The following EXOSC10 variants were observed in gnomAD, a reference collection of about 807,000 sequenced individuals.
EXOSC10 encodes exosome complex component 10.
In EXOSC10, 94 loss-of-function variants were observed where a neutral mutation model predicts 126.6. The observed-to-expected ratio is 0.74, with a 90% CI of 0.63 to 0.88. EXOSC10 has a LOEUF of 0.88. Among genes scored for constraint, EXOSC10 ranks in the 40% least tolerant of loss-of-function variants. The probability of loss-of-function intolerance (pLI) is 0.00; values close to 1 mark genes in which losing one functional copy is unlikely to be tolerated. For missense variants in EXOSC10, 1,041 were observed against 1,100.5 expected (o/e 0.95, Z 0.77); for synonymous variants, 395 against 400.8 (o/e 0.99, Z 0.17).
chr1:11,091,660 TAACA>T, intron 3 of EXOSC10, 63 bp from the exon 4 acceptor site: 1 of 1,219,636 alleles, frequency 8.2e-7, no homozygotes, highest in Non-Finnish European at 1.2e-6. Flanking sequence ...GTTAACTACC[TAACA>T]TTTTATTTAT....
intron 9 of EXOSC10, among the ~76,000 whole-genome samples, chr1:11,084,320 C>G (rs1640364803): frequency 6.6e-6 from 1 of 152,228 alleles, no homozygotes; most frequent in East Asian, 1.9e-4. Context: ...GATTGCCATT[C>G]TAACTGGTGT....
At chr1:11,068,916 C>T in intron 22 of EXOSC10, 1 of 593,676 alleles carries the variant, frequency 1.7e-6, no homozygotes, top group South Asian at 2.0e-5. Flanking sequence ...AGGCCCATTT[C>T]TCTCAGCTCT....
intron 2 of EXOSC10, 44 bp downstream of exon 2, chr1:11,097,976 T>C: frequency 6.9e-7 from 1 of 1,459,708 alleles, no homozygotes. Flanking sequence ...TTCTTTGTTT[T>C]CATTTCTTTT....
intron 16 of EXOSC10, 155 bp from the exon 17 acceptor site, chr1:11,077,103 TGCC>T (rs1463591131): frequency 1.6e-6 from 1 of 641,350 alleles, no homozygotes; most frequent in African/African-American, 1.8e-5. Context: ...GTGATTCTCC[TGCC>T]TCTGCCTCCT....
chr1:11,069,558 C>T lies in EXOSC10; in HGVS notation c.2488+1G>A. The T allele has an allele frequency of 6.2e-7, 1 of 1,611,960 alleles. No homozygotes were observed. The highest frequency in any genetic ancestry group is 1.3e-5 in the African/African-American group (1 of 74,664). ...TGTATGGGGCCCCATTACTTCCTCA[C>T]CAGCAAAAGCCTTGAAGTCTGACTG... On this transcript the variant is annotated splice_donor_variant, in intron 22 of 24. Transcript: ENST00000376936. LOFTEE classifies it high-confidence loss of function.
At position 11,091,614 on chromosome 1, in the gene EXOSC10, TA is replaced by T; in HGVS notation, c.373-18del. Reference sequence around the variant, plus strand: ...TAAAATACCCTAAGAGTAGAAGAGGTACTGGTTAAGCATTTTTCCTTTTGAG... The same window carrying T: ...TAAAATACCCTAAGAGTAGAAGAGGTCTGGTTAAGCATTTTTCCTTTTGAG... On this transcript the variant is annotated intron_variant, in intron 3 of 24. Coordinates refer to ENST00000376936, the MANE Select transcript of EXOSC10 (RefSeq NM_001001998.3). The T allele has an allele frequency of 6.3e-7, 1 of 1,592,820 alleles. No homozygotes were observed. The highest frequency in any genetic ancestry group is 2.2e-5 in the East Asian group (1 of 44,734).
intron 4 of EXOSC10, 60 bp downstream of exon 4, chr1:11,091,433 A>C (rs1490141280): frequency 1.3e-5 from 19 of 1,437,570 alleles, no homozygotes; most frequent in Non-Finnish European, 1.7e-5. Flanking sequence ...TGTTAGAATG[A>C]GCAAAATCTC....
At chr1:11,089,425 C>T (rs1640676343) in intron 6 of EXOSC10, among the ~76,000 whole-genome samples, 1 of 149,878 alleles carries the variant, frequency 6.7e-6, no homozygotes, top group African/African-American at 2.5e-5. Context: ...GCCTGACCAA[C>T]ATGATGAAAC....
intron 21 of EXOSC10, among the ~76,000 whole-genome samples, chr1:11,070,255 A>T (rs1456550171): frequency 1.0e-4 from 13 of 126,242 alleles, no homozygotes; most frequent in Admixed American, 9.8e-5. Flanking sequence ...TTTTTTTTTT[A>T]AAAGGAAATT....
In EXOSC10 at chr1:11,091,134, G is replaced by A; in HGVS notation, c.523C>T (p.Leu175Phe). ...GGTCGGATGATATTTTTTGCATGAAGCAGCCGGAAAGTTTCAGATTTTGCT... is the reference window on the plus strand; with the variant it reads ...GGTCGGATGATATTTTTTGCATGAAACAGCCGGAAAGTTTCAGATTTTGCT... ...KKAKSETFRLLHAKNIIRPQL... is the reference protein window; with the variant it reads ...KKAKSETFRLFHAKNIIRPQL... The change falls in exon 5 of 25, where the codon CTT becomes TTT. Residue 175 changes from leucine to phenylalanine, a missense_variant. Physicochemically the swap from Leu to Phe is conservative, Grantham distance 22. Transcript: ENST00000376936. 6.2e-7 allele frequency: 1 copy of A among 1,614,142 alleles called. No individual in the cohort carries two copies. The highest frequency in any genetic ancestry group is 8.5e-7 in the Non-Finnish European group (1 of 1,180,016).
chr1:11,095,976 T>G, intron 2 of EXOSC10, 95 bp from the exon 3 acceptor site: 3 of 1,342,580 alleles, frequency 2.2e-6, no homozygotes, highest in Non-Finnish European at 1.0e-6. Flanking sequence ...GCTCAGACTG[T>G]TCCCAACACA....
At chr1:11,074,204 G>T in intron 18 of EXOSC10, 27 bp downstream of exon 18, 1 of 1,567,332 alleles carries the variant, frequency 6.4e-7, no homozygotes, top group South Asian at 1.1e-5. Flanking sequence ...TGCATATCCT[G>T]TCAGCCCTGA....
intron 3 of EXOSC10, among the ~76,000 whole-genome samples, chr1:11,095,239 A>G (rs1047433250): frequency 1.5e-4 from 23 of 150,048 alleles, no homozygotes; most frequent in Admixed American, 1.4e-3. Flanking sequence ...AGAAGCTTCC[A>G]TGGGGCAGTA....
At chr1:11,093,847 T>TG (rs1225522750) in intron 3 of EXOSC10, among the ~76,000 whole-genome samples, 1 of 151,946 alleles carries the variant, frequency 6.6e-6, no homozygotes, top group Admixed American at 6.6e-5. Context: ...GGGGGGGGAT[T>TG]GTTTGAGGCC....
At chr1:11,074,169 A>G in intron 18 of EXOSC10, 62 bp downstream of exon 18, 1 of 1,464,058 alleles carries the variant, frequency 6.8e-7, no homozygotes, top group Non-Finnish European at 9.6e-7. Context: ...TCCCAGGTAA[A>G]AGCATGTACA....
chr1:11,069,872 A>T, intron 21 of EXOSC10, 142 bp from the exon 22 acceptor site: 2 of 854,642 alleles, frequency 2.3e-6, no homozygotes, highest in Admixed American at 4.6e-5. Flanking sequence ...CTGTGGCTGG[A>T]ACTTCGGGAC....
chr1:11,081,710 GTTTT>G (rs1264028486), intron 10 of EXOSC10, among the ~76,000 whole-genome samples: 1 of 152,184 alleles, frequency 6.6e-6, no homozygotes, highest in African/African-American at 2.4e-5. Context: ...ACAGGGAGTG[GTTTT>G]TAGATTTTAT....
At chr1:11,099,561 C>A (rs772307747) in intron 1 of EXOSC10, 160 bp downstream of exon 1, 155 of 684,140 alleles carry the variant, frequency 2.3e-4, no homozygotes, top group Non-Finnish European at 3.3e-4. Context: ...AGGCCCCATC[C>A]CCGGAGGGTG....
chr1:11,081,297 T>C, intron 10 of EXOSC10, 59 bp from the exon 11 acceptor site: 1 of 1,594,212 alleles, frequency 6.3e-7, no homozygotes. Flanking sequence ...ATTCAATTTG[T>C]CTATTCCTTG....
Sources: allele counts gnomAD v4.1 joint callset (sites outside exome capture counted in the v4.1 genomes callset), GRCh38; gene constraint gnomAD v4.1.1; transcripts MANE v1.5; gene names NCBI Gene and HGNC (gene_info 2026-07-23, HGNC 2026-07-21).